The following MYO15A variants were observed in gnomAD, a reference collection of about 807,000 sequenced individuals.
MYO15A encodes unconventional myosin-XV.
A neutral mutation model predicts 394.6 loss-of-function variants in MYO15A; 308 were observed. The observed-to-expected ratio is 0.78, with a 90% CI of 0.71 to 0.86. The LOEUF is 0.86. Among genes scored for constraint, MYO15A ranks in the 40% least tolerant of loss-of-function variants. MYO15A has a pLI of 0.00. For missense variants in MYO15A, 4,606 were observed against 4,799.1 expected, an observed-to-expected ratio of 0.96 and a Z score of 1.19; for synonymous variants, 1,957 against 2,003.8, an observed-to-expected ratio of 0.98 and a Z score of 0.62.
intron 58 of MYO15A, 150 bp from the exon 59 acceptor site, chr17:18,163,094 C>CA: frequency 1.2e-6 from 1 of 817,362 alleles, no homozygotes; most frequent in Non-Finnish European, 2.1e-6. Flanking sequence ...CAGGGGCTTG[C>CA]AGACAGGCCC....
In MYO15A at chr17:18,139,338, T is replaced by C. The variant is rs527917722; in HGVS notation, c.5134-196T>C. 23 of 670,298 alleles carry C rather than the reference T, an allele frequency of 3.4e-5. 1 individual carries two copies. In the South Asian group the frequency reaches 3.8e-4, roughly 11 times the overall value. 41.5% of individuals were successfully genotyped at this position (670,298 alleles called of 1,614,324 possible). On this transcript the variant is annotated intron_variant, in intron 18 of 65. Coordinates refer to ENST00000647165, the MANE Select transcript of MYO15A (RefSeq NM_016239.4). ...CATCTGTAGAATGGGCACAGGACAATGTCCTTCACTGAGGGTGAGGCCAAG... is the reference window on the plus strand; with the variant it reads ...CATCTGTAGAATGGGCACAGGACAACGTCCTTCACTGAGGGTGAGGCCAAG...
At chr17:18,163,887 C>A (rs960232587) in intron 60 of MYO15A, 49 bp downstream of exon 60, 22 of 1,581,186 alleles carry the variant, frequency 1.4e-5, no homozygotes, top group African/African-American at 4.0e-5. Flanking sequence ...CATCCCCGGG[C>A]CTTGTGCCAT....
chr17:18,157,612 T>C, intron 50 of MYO15A, 110 bp from the exon 51 acceptor site: 1 of 1,554,344 alleles, frequency 6.4e-7, no homozygotes, highest in Non-Finnish European at 8.6e-7. Context: ...CTGGCCTGCC[T>C]CATAGAGTTC....
At position 18,120,789 on chromosome 17, in the gene MYO15A, G is replaced by T; in HGVS notation, c.1989G>T (p.Pro663=). 7.4e-7 allele frequency: 1 copy of T among 1,347,672 alleles called. No homozygotes were observed. Among genetic ancestry groups the T allele is most frequent in the South Asian group, 1.7e-5 (1 of 59,146 alleles). 83.5% of individuals were successfully genotyped at this position (1,347,672 alleles called of 1,614,324 possible). ...CCCACTGGAGCGCGCTCCTGTCTCC[G>T]CCCGTGCCCCCGCGGCCCCCAAGCT... ...TLSHWSALLS[P]PVPPRPPSSG... is the part of the protein sequence containing the mutation. Residue 663 remains proline (P), a synonymous_variant, in exon 2 of 66, where the codon CCG becomes CCT. Coordinates refer to ENST00000647165, the MANE Select transcript of MYO15A (RefSeq NM_016239.4).
At chr17:18,111,341 G>GAAAAA (rs57095827) in intron 1 of MYO15A, among the ~76,000 whole-genome samples, 14 of 118,938 alleles carry the variant, frequency 1.2e-4, no homozygotes, top group Non-Finnish European at 1.9e-4. Flanking sequence ...TCTCAAAAGA[G>GAAAAA]AAAAAAAAAA....
chr17:18,127,707 A>T (rs1201105137), intron 7 of MYO15A, among the ~76,000 whole-genome samples: 1 of 151,950 alleles, frequency 6.6e-6, no homozygotes, highest in Non-Finnish European at 1.5e-5. Flanking sequence ...CTCAGTAAAG[A>T]TCTACTGAAG....
At chr17:18,137,400 T>G (rs1261886701) in intron 15 of MYO15A, among the ~76,000 whole-genome samples, 184 bp from the exon 16 acceptor site, 1 of 152,204 alleles carries the variant, frequency 6.6e-6, no homozygotes, top group African/African-American at 2.4e-5. Context: ...CTTCAGGCAC[T>G]GCCTGTGCTG....
chr17:18,136,935 C>A (rs2046289944), intron 15 of MYO15A, among the ~76,000 whole-genome samples: 1 of 152,254 alleles, frequency 6.6e-6, no homozygotes, highest in South Asian at 2.1e-4. Context: ...CCAGCCAGGG[C>A]CCTGCCCTTG....
intron 2 of MYO15A, chr17:18,122,673 T>G: frequency 1.9e-6 from 1 of 523,870 alleles, no homozygotes; most frequent in Non-Finnish European, 3.3e-6. Flanking sequence ...TCTTTGTTCA[T>G]ATTCGGCTTG....
At position 18,131,502 on chromosome 17, in the gene MYO15A, C is replaced by G. The variant is rs770464144; in HGVS notation, c.4177C>G (p.Leu1393Val). 5.0e-6 allele frequency: 8 copies of G among 1,614,052 alleles called. No homozygotes were observed. Among genetic ancestry groups the G allele is most frequent in the Non-Finnish European group, 6.8e-6 (8 of 1,179,994 alleles). ...CTCTGGTGCCATAACCTCCCAGTAC[C>G]TGCTTGAGAAATCCAGGATCGTGTT... is the stretch of plus-strand genomic sequence containing the variant. ...VISGAITSQY[L>V]LEKSRIVFQA... Residue 1393 changes from leucine to valine, a missense_variant, in exon 10 of 66, where the codon CTG becomes GTG. Transcript: ENST00000647165.
At chr17:18,154,021 C>T in intron 43 of MYO15A, 110 bp from the exon 44 acceptor site, 1 of 1,603,404 alleles carries the variant, frequency 6.2e-7, no homozygotes, top group Non-Finnish European at 8.5e-7. Context: ...CGGGCTGAAA[C>T]CAGGGGTGGG....
At chr17:18,136,216 G>A (rs940550454) in intron 13 of MYO15A, among the ~76,000 whole-genome samples, 1 of 152,098 alleles carries the variant, frequency 6.6e-6, no homozygotes, top group African/African-American at 2.4e-5. Flanking sequence ...TCCCCCATTA[G>A]ACCTGCAGTC....
At chr17:18,172,593 T>C (rs1004573439) in intron 64 of MYO15A, 16 of 438,566 alleles carry the variant, frequency 3.6e-5, no homozygotes, top group Admixed American at 1.7e-4. Context: ...ACTGAGTAAC[T>C]TAAACAACAG....
At chr17:18,151,338 G>A (rs2046577230) in intron 39 of MYO15A, 48 bp downstream of exon 39, 6 of 1,614,190 alleles carry the variant, frequency 3.7e-6, no homozygotes, top group Non-Finnish European at 5.1e-6. Flanking sequence ...CAGGCCTGGT[G>A]GTGTGGTTGT....
chr17:18,159,428 C>T, intron 54 of MYO15A, 81 bp downstream of exon 54: 1 of 1,544,370 alleles, frequency 6.5e-7, no homozygotes, highest in Non-Finnish European at 8.9e-7. Flanking sequence ...GCCACTCCTC[C>T]CTGATCTTCA....
chr17:18,140,706 C>T (rs749073129), intron 20 of MYO15A, 41 bp downstream of exon 20: 1 of 1,614,104 alleles, frequency 6.2e-7, no homozygotes, highest in Non-Finnish European at 8.5e-7. Flanking sequence ...CAGCCTCATC[C>T]TTAACCCACC....
chr17:18,125,071 G>A (rs2046007905), intron 3 of MYO15A, 97 bp from the exon 4 acceptor site: 3 of 1,146,778 alleles, frequency 2.6e-6, no homozygotes, highest in Non-Finnish European at 4.0e-6. Flanking sequence ...CTTGAATTCA[G>A]GCCTATCTGA....
At chr17:18,130,893 G>A (rs1184539303) in intron 8 of MYO15A, 83 bp downstream of exon 8, 6 of 1,340,290 alleles carry the variant, frequency 4.5e-6, no homozygotes, top group Non-Finnish European at 6.1e-6. Context: ...AATGCGTGTG[G>A]ATGTGCCTGC....
chr17:18,124,205 C>T, intron 2 of MYO15A: 2 of 498,134 alleles, frequency 4.0e-6, no homozygotes, highest in South Asian at 4.2e-5. Flanking sequence ...CGCCCATGTA[C>T]CTGCATATGC....
Sources: allele counts gnomAD v4.1 joint callset (sites outside exome capture counted in the v4.1 genomes callset), GRCh38; gene constraint gnomAD v4.1.1; transcripts MANE v1.5; gene names NCBI Gene and HGNC (gene_info 2026-07-23, HGNC 2026-07-21).